Variants in HGH1 observed in about 807,000 individuals in gnomAD.
The protein encoded by HGH1 is HGH1 cochaperone.
Under a neutral mutation model 31.7 loss-of-function variants are expected in HGH1, and 31 were observed. The observed-to-expected ratio is 0.98, with a 90% CI of 0.73 to 1.32. HGH1 has a LOEUF of 1.32. Among genes scored for constraint, HGH1 ranks in the 40% most tolerant of loss-of-function variants. HGH1 has a pLI of 0.00. For synonymous variants in HGH1, 284 were observed against 293.6 expected, an observed-to-expected ratio of 0.97 and a Z score of 0.34; for missense variants, 618 against 594.4, an observed-to-expected ratio of 1.04 and a Z score of -0.41.
At position 144,139,569 on chromosome 8, in the gene HGH1, C is replaced by T. The variant is rs898318483; in HGVS notation, c.*17C>T. On this transcript the variant is annotated 3_prime_UTR_variant, in exon 6 of 6. Coordinates refer to ENST00000347708, the MANE Select transcript of HGH1 (RefSeq NM_016458.4). Reference sequence around the variant, plus strand: ...CCCACCTGAGGCCCCTGCAGCCGGACACCAGCTCCAGGGTCCCCTTTGCCA... The same window carrying T: ...CCCACCTGAGGCCCCTGCAGCCGGATACCAGCTCCAGGGTCCCCTTTGCCA... The T allele has an allele frequency of 9.9e-5, 154 of 1,549,862 alleles. No homozygotes were observed. The Middle Eastern group carries it at 2.3e-3, about 23-fold the overall frequency.
rs1815147038 is a variant in HGH1 at position 144,139,116 on chromosome 8, G to A, written c.885+16G>A. The A allele has an allele frequency of 2.5e-6, 4 of 1,613,872 alleles. No homozygotes were observed. In the South Asian group the frequency reaches 3.3e-5, roughly 13 times the overall value. On this transcript the variant is annotated intron_variant, in intron 4 of 5. Coordinates refer to ENST00000347708, the MANE Select transcript of HGH1 (RefSeq NM_016458.4). ...CATCATGCTGGTGAGCAGGAGCCCT[G>A]CTGCAATAAGCACCACCCCAACACA...
In HGH1 at chr8:144,138,238, C is replaced by A; in HGVS notation, c.403C>A (p.Pro135Thr). ...AAALANLSRE[P>T]APCAALMAAL... ...CGCGCTAGCCAACCTCAGTCGCGAGCCGGCGCCGTGTGCAGCGCTCATGGC... is the reference window on the plus strand; with the variant it reads ...CGCGCTAGCCAACCTCAGTCGCGAGACGGCGCCGTGTGCAGCGCTCATGGC... The change falls in exon 1 of 6, where the codon CCG becomes ACG. Residue 135 changes from proline to threonine, a missense_variant. Transcript: ENST00000347708. 7.2e-7 allele frequency: 1 copy of A among 1,388,596 alleles called. No individual in the cohort carries two copies. Among genetic ancestry groups the A allele is most frequent in the South Asian group, 1.6e-5 (1 of 62,286 alleles). The allele number at this position is 1,388,596 out of a possible 1,614,324, so 86.0% of individuals were successfully genotyped here. A position where few individuals can be genotyped will look rare whatever the true frequency, so the allele number is the denominator to read the frequency against.
In HGH1 at chr8:144,138,258, C is replaced by T. The variant is rs1815124240; in HGVS notation, c.423C>T (p.Leu141=). Residue 141 remains leucine (L), a synonymous_variant, in exon 1 of 6, where the codon CTC becomes CTT. Coordinates refer to ENST00000347708, the MANE Select transcript of HGH1 (RefSeq NM_016458.4). The part of the protein sequence containing the change: ...LSREPAPCAA[L]MAALAAAEPA... Reference sequence around the variant, plus strand: ...GCGAGCCGGCGCCGTGTGCAGCGCTCATGGCGGCGCTGGCGGCCGCGGAGC... The same window carrying T: ...GCGAGCCGGCGCCGTGTGCAGCGCTTATGGCGGCGCTGGCGGCCGCGGAGC... 3 of 1,439,768 alleles carry T rather than the reference C, an allele frequency of 2.1e-6. No homozygotes were observed. Among genetic ancestry groups the T allele is most frequent in the Non-Finnish European group, 2.7e-6 (3 of 1,109,010 alleles). 89.2% of individuals were successfully genotyped at this position (1,439,768 alleles called of 1,614,324 possible). A position where few individuals can be genotyped will look rare whatever the true frequency, so the allele number is the denominator to read the frequency against.
Position 144,138,599 on chromosome 8 carries a change from T to G in HGH1, c.686T>G (p.Phe229Cys), listed in dbSNP as rs1179064966. ...GTGGGGACGCTGCGGAATTGCTGCTTCGAGCACCGTGAGTGGTGGGTGTGG... is the reference window on the plus strand; with the variant it reads ...GTGGGGACGCTGCGGAATTGCTGCTGCGAGCACCGTGAGTGGTGGGTGTGG... Reference protein sequence around the residue: ...GVVGTLRNCCFEHRHHEWLLG... With the variant: ...GVVGTLRNCCCEHRHHEWLLG... The change falls in exon 2 of 6, where the codon TTC becomes TGC. Residue 229 changes from phenylalanine (F) to cysteine (C), a missense_variant. By Grantham distance (205) the Phe-to-Cys change is radical. Transcript: ENST00000347708. 6.2e-7 allele frequency: 1 copy of G among 1,613,020 alleles called. No homozygotes were observed. The highest frequency in any genetic ancestry group is 1.1e-5 in the South Asian group (1 of 90,842).
Position 144,138,586 on chromosome 8 carries a change from C to T in HGH1, c.673C>T (p.Arg225Trp). 6 of 1,612,886 alleles carry T rather than the reference C, an allele frequency of 3.7e-6. No homozygotes were observed. Among genetic ancestry groups the T allele is most frequent in the Non-Finnish European group, 5.1e-6 (6 of 1,179,552 alleles). Residue 225 changes from arginine to tryptophan, a missense_variant, in exon 2 of 6, where the codon CGG (arginine) becomes TGG (tryptophan). Coordinates refer to ENST00000347708, the MANE Select transcript of HGH1 (RefSeq NM_016458.4). ...CAGGGGCGGGGTGGTGGGGACGCTG[C>T]GGAATTGCTGCTTCGAGCACCGTGA... ...VRRGGVVGTL[R>W]NCCFEHRHHE...
chr8:144,137,860 G>A lies in HGH1; in HGVS notation c.25G>A (p.Gly9Ser). 2.3e-6 allele frequency: 3 copies of A among 1,293,994 alleles called. No individual in the cohort carries two copies. Among genetic ancestry groups the A allele is most frequent in the Non-Finnish European group, 2.9e-6 (3 of 1,023,340 alleles). The allele number at this position is 1,293,994 out of a possible 1,614,324, so 80.2% of individuals were successfully genotyped here. ...CATGGGGGAGGCCGGGGCTGGCGCTGGCGCCTCGGGAGGGCCGGAGGCAAG... is the reference window on the plus strand; with the variant it reads ...CATGGGGGAGGCCGGGGCTGGCGCTAGCGCCTCGGGAGGGCCGGAGGCAAG... MGEAGAGA[G>S]ASGGPEASPE... is the part of the protein sequence containing the mutation. The change falls in exon 1 of 6, where the codon GGC (glycine) becomes AGC (serine). Residue 9 changes from glycine (G) to serine (S), a missense_variant. Gly to Ser is a moderately conservative substitution (Grantham distance 56). Coordinates refer to ENST00000347708, the MANE Select transcript of HGH1 (RefSeq NM_016458.4).
In HGH1 at chr8:144,140,405, A is replaced by C. The variant is rs1372614896; in HGVS notation, c.*853A>C. The stretch of plus-strand genomic sequence containing the variant: ...GACCTATGTGCATCCCTCACCTGCC[A>C]GTTATGTGGCTGCCAAGCCCCACAG... On this transcript the variant is annotated 3_prime_UTR_variant, in exon 6 of 6. Coordinates refer to ENST00000347708, the MANE Select transcript of HGH1 (RefSeq NM_016458.4). The C allele has an allele frequency of 6.6e-6, 1 of 152,406 alleles. No homozygotes were observed. The highest frequency in any genetic ancestry group is 2.4e-5 in the African/African-American group (1 of 41,432). 9.4% of individuals were successfully genotyped at this position (152,406 alleles called of 1,614,324 possible).
rs1405885254 is a variant in HGH1 at position 144,139,013 on chromosome 8, G to T, written c.798G>T (p.Leu266=). Residue 266 remains leucine, a synonymous_variant, in exon 4 of 6, where the codon CTG becomes CTT. Transcript: ENST00000347708. ...CTCCCACACACTCACCCCTAGGGCTGCCTGTCGACTTGCAGTACCTGCCAC... is the reference window on the plus strand; with the variant it reads ...CTCCCACACACTCACCCCTAGGGCTTCCTGTCGACTTGCAGTACCTGCCAC... ...EDFSEEEMER[L]PVDLQYLPPD... 4 of 1,613,660 alleles carry T rather than the reference G, an allele frequency of 2.5e-6. No individual in the cohort carries two copies. The South Asian group carries it at 4.4e-5, about 18-fold the overall frequency.
chr8:144,138,663 G>T lies in HGH1; in HGVS notation c.695-52G>T, dbSNP rs552889647. On this transcript the variant is annotated intron_variant, in intron 2 of 5. Coordinates refer to ENST00000347708, the MANE Select transcript of HGH1 (RefSeq NM_016458.4). ...CCAGGTGTGGGGACTGGACTCCGGGGCTGCTCTGGACCAGTTTCCATTCCC... is the reference window on the plus strand; with the variant it reads ...CCAGGTGTGGGGACTGGACTCCGGGTCTGCTCTGGACCAGTTTCCATTCCC... 144 of 1,609,242 alleles carry T rather than the reference G, an allele frequency of 8.9e-5. 1 individual carries two copies. In the African/African-American group the frequency reaches 1.5e-3, roughly 17 times the overall value.
chr8:144,139,550 T>G lies in HGH1; in HGVS notation c.1171T>G (p.Ter391GlyextTer40). ...EPWVERATPT[*>G] is the part of the protein sequence containing the mutation. Reference sequence around the variant, plus strand: ...ATGGGTGGAGAGGGCCACACCCACCTGAGGCCCCTGCAGCCGGACACCAGC... The same window carrying G: ...ATGGGTGGAGAGGGCCACACCCACCGGAGGCCCCTGCAGCCGGACACCAGC... The change falls in exon 6 of 6, where the codon TGA becomes GGA. Residue 391 changes from the stop codon to glycine (G), a stop_lost. Transcript: ENST00000347708. 1 of 1,551,712 alleles carries G rather than the reference T, an allele frequency of 6.4e-7. No individual in the cohort carries two copies. Among genetic ancestry groups the G allele is most frequent in the South Asian group, 1.2e-5 (1 of 84,182 alleles).
rs1815121816 is a variant in HGH1 at position 144,138,158 on chromosome 8, G to T, written c.323G>T (p.Arg108Leu). Reference protein sequence around the residue: ...LLAADPGLPARLMGRALDPQW... With the variant: ...LLAADPGLPALLMGRALDPQW... ...GCGGCCGACCCCGGGCTGCCAGCGC[G>T]CCTGATGGGCCGCGCGTTGGACCCG... Residue 108 changes from arginine to leucine, a missense_variant, in exon 1 of 6, where the codon CGC (arginine) becomes CTC (leucine). By Grantham distance (102) the Arg-to-Leu change is moderately radical. Transcript: ENST00000347708. 5 of 1,307,810 alleles carry T rather than the reference G, an allele frequency of 3.8e-6. No individual in the cohort carries two copies. The highest frequency in any genetic ancestry group is 4.8e-6 in the Non-Finnish European group (5 of 1,032,258). 81.0% of individuals were successfully genotyped at this position (1,307,810 alleles called of 1,614,324 possible). A position where few individuals can be genotyped will look rare whatever the true frequency, so the allele number is the denominator to read the frequency against.
At position 144,138,421 on chromosome 8, in the gene HGH1, C is replaced by A; in HGVS notation, c.586C>A (p.Pro196Thr). ...TGCGGCGCGGGCCTTCCTACTGGAC[C>A]CCGACAGGTGAAGCCCAGGGCGCCC... The part of the protein sequence containing the change: ...RPAARAFLLD[P>T]DRCVVQRLLP... The change falls in exon 1 of 6, where the codon CCC (proline) becomes ACC (threonine). Residue 196 changes from proline to threonine, a missense_variant. Pro to Thr is a conservative substitution (Grantham distance 38). Transcript: ENST00000347708. The A allele has an allele frequency of 6.3e-7, 1 of 1,589,136 alleles. No individual in the cohort carries two copies. The highest frequency in any genetic ancestry group is 8.5e-7 in the Non-Finnish European group (1 of 1,176,010).
intron 1 of HGH1, 28 bp from the exon 2 acceptor site, chr8:144,138,479 G>C: frequency 6.3e-7 from 1 of 1,599,884 alleles, no homozygotes; most frequent in Non-Finnish European, 8.5e-7. Context: ...AGTTAGGGGG[G>C]ACGGCCCTAA....
Position 144,139,904 on chromosome 8 carries a change from GAGCCA to G in HGH1, c.*353_*357del. ...ACAGAAAACCACTGCAAGCCCCAAG[GAGCCA>G]GCTGAAGCCTCCCAATCCCCAGGGC... On this transcript the variant is annotated 3_prime_UTR_variant, in exon 6 of 6. Transcript: ENST00000347708. 2.3e-6 allele frequency: 1 copy of G among 431,694 alleles called. No homozygotes were observed. The highest frequency in any genetic ancestry group is 4.3e-6 in the Non-Finnish European group (1 of 234,778). 26.7% of individuals were successfully genotyped at this position (431,694 alleles called of 1,614,324 possible). A position where few individuals can be genotyped will look rare whatever the true frequency, so the allele number is the denominator to read the frequency against.
At position 144,138,612 on chromosome 8, in the gene HGH1, G is replaced by C; in HGVS notation, c.694+5G>C. 1 of 1,611,760 alleles carries C rather than the reference G, an allele frequency of 6.2e-7. No homozygotes were observed. The highest frequency in any genetic ancestry group is 2.2e-5 in the East Asian group (1 of 44,838). ...GGAATTGCTGCTTCGAGCACCGTGA[G>C]TGGTGGGTGTGGCGGGGGTGCGTTG... On this transcript the variant is annotated splice_donor_5th_base_variant and intron_variant, in intron 2 of 5. Coordinates refer to ENST00000347708, the MANE Select transcript of HGH1 (RefSeq NM_016458.4).
Position 144,138,782 on chromosome 8 carries a change from G to A in HGH1, c.762G>A (p.Gly254=), listed in dbSNP as rs1168928725. The A allele has an allele frequency of 3.1e-6, 5 of 1,613,852 alleles. No homozygotes were observed. Among genetic ancestry groups the A allele is most frequent in the Non-Finnish European group, 4.2e-6 (5 of 1,179,876 alleles). ...CCTTTTTGCTCCTGCCCTTGGCTGGGCCTGAGGATTTCTCCGAGGAAGAGA... is the reference window on the plus strand; with the variant it reads ...CCTTTTTGCTCCTGCCCTTGGCTGGACCTGAGGATTTCTCCGAGGAAGAGA... ...ILPFLLLPLA[G]PEDFSEEEME... Residue 254 remains glycine (G), a synonymous_variant, in exon 3 of 6, where the codon GGG becomes GGA. Transcript: ENST00000347708.
rs11545441 is a variant in HGH1 at position 144,139,629 on chromosome 8, G to A, written c.*77G>A. On this transcript the variant is annotated 3_prime_UTR_variant, in exon 6 of 6. Coordinates refer to ENST00000347708, the MANE Select transcript of HGH1 (RefSeq NM_016458.4). ...AGACCAGGCCTTCCTGCAGCTGTCT[G>A]CAGGCCCCCTGGGTCCCCTTGTTCA... 32,801 of 1,538,300 alleles carry A rather than the reference G, an allele frequency of 0.021. 5,696 individuals are homozygous for A. The African/African-American group carries it at 0.39, about 18-fold the overall frequency.
In HGH1 at chr8:144,139,934, C is replaced by T. The variant is rs1320542378; in HGVS notation, c.*382C>T. On this transcript the variant is annotated 3_prime_UTR_variant, in exon 6 of 6. Transcript: ENST00000347708. ...AGCTGAAGCCTCCCAATCCCCAGGG[C>T]ACTGCAGAGTCTGGGCAGAGGTGGG... 1.6e-5 allele frequency: 6 copies of T among 385,692 alleles called. No individual in the cohort carries two copies. Among genetic ancestry groups the T allele is most frequent in the South Asian group, 7.5e-5 (3 of 40,022 alleles). 23.9% of individuals were successfully genotyped at this position (385,692 alleles called of 1,614,324 possible). A position where few individuals can be genotyped will look rare whatever the true frequency, so the allele number is the denominator to read the frequency against.
Position 144,139,036 on chromosome 8 carries a change from C to T in HGH1, c.821C>T (p.Pro274Leu), listed in dbSNP as rs890956048. The T allele has an allele frequency of 6.7e-5, 108 of 1,613,862 alleles. No homozygotes were observed. The highest frequency in any genetic ancestry group is 4.8e-4 in the African/African-American group (36 of 74,922). Residue 274 changes from proline to leucine, a missense_variant, in exon 4 of 6, where the codon CCA becomes CTA. Transcript: ENST00000347708. ...CTGCCTGTCGACTTGCAGTACCTGC[C>T]ACCAGACAAGCAGCGAGAACCTGAT... is the stretch of plus-strand genomic sequence containing the variant. ...ERLPVDLQYL[P>L]PDKQREPDAD...
Sources: allele counts gnomAD v4.1 joint callset, GRCh38; gene constraint gnomAD v4.1.1; transcripts MANE v1.5; gene names NCBI Gene and HGNC (gene_info 2026-07-23, HGNC 2026-07-21).